RGS3: variants seen among roughly 807,000 people sequenced by gnomAD.
The protein encoded by RGS3 is regulator of G-protein signalling 3.
Under a neutral mutation model 132.6 loss-of-function variants are expected in RGS3, and 80 were observed. That is an observed-to-expected ratio of 0.60 (90% CI 0.50 to 0.73). The LOEUF (loss-of-function observed/expected upper bound fraction) is 0.73, where lower values mean the gene tolerates loss of function less well. Ranked by LOEUF, RGS3 falls within the 30% of genes least tolerant of loss-of-function variation. RGS3 has a pLI of 0.00. For synonymous variants in RGS3, 598 were observed against 620.6 expected (o/e 0.96, Z 0.54); for missense variants, 1,382 against 1,530.8 (o/e 0.90, Z 1.62).
intron 15 of RGS3, 128 bp downstream of exon 13, chr9:113,514,782 CT>C: frequency 3.7e-6 from 3 of 813,282 alleles, no homozygotes; most frequent in Non-Finnish European, 5.7e-6. Flanking sequence ...AGATAAGTAG[CT>C]TTAGATGCAT....
At chr9:113,584,155 C>T (rs371025710) in exon 20 of RGS3, 21 of 1,614,116 alleles carry the variant, frequency 1.3e-5, no homozygotes, top group Non-Finnish European at 1.6e-5. Flanking sequence ...TGAGGCCAAG[C>T]GCAGCAGCAT....
chr9:113,500,990 G>A (rs7020623), intron 10 of RGS3, among the ~76,000 whole-genome samples: 18,005 of 152,032 alleles, frequency 0.12, 1,270 homozygotes, highest in African/African-American at 0.19. Flanking sequence ...ACGCCTGGCC[G>A]AAACTGACTT....
intron 7 of RGS3, among the ~76,000 whole-genome samples, chr9:113,487,019 C>T (rs185774613): frequency 7.9e-5 from 12 of 151,290 alleles, no homozygotes; most frequent in Admixed American, 2.6e-4. Flanking sequence ...AGGAGGGGGA[C>T]GTCATGTTAA....
At position 113,465,439 on chromosome 9, in the gene RGS3, C is replaced by CTGTGTGTGTGTGTG. The variant is rs3221187; in HGVS notation, c.415+3267_415+3280dup. On this transcript the variant is annotated intron_variant, in intron 3 of 24. Transcript: ENST00000350696. ...CCCAGGCTTATTTCCACACCTATTT[C>CTGTGTGTGTGTGTG]TGTGTGTGTGTGTGTGTGTGTGTGT... 4.9e-4 allele frequency among the ~76,000 whole-genome samples: 66 copies of CTGTGTGTGTGTGTG among 135,410 alleles called. No homozygotes were observed. The East Asian group carries it at 7.2e-3, about 15-fold the overall frequency. The allele number at this position is 135,410 out of a possible 152,430, so 88.8% of individuals were successfully genotyped here.
chr9:113,503,899 T>TTTTC (rs994782902), intron 10 of RGS3, among the ~76,000 whole-genome samples: 4 of 152,124 alleles, frequency 2.6e-5, no homozygotes, highest in African/African-American at 4.8e-5. Flanking sequence ...CCGCGTTTGT[T>TTTTC]TTTCTTTCTT....
At chr9:113,552,686 T>G (rs1254939337) in intron 19 of RGS3, among the ~76,000 whole-genome samples, 1 of 152,236 alleles carries the variant, frequency 6.6e-6, no homozygotes, top group Non-Finnish European at 1.5e-5. Context: ...GAGACTTTTA[T>G]TGTAATTATA....
At chr9:113,583,888 G>C in exon 20 of RGS3, 1 of 1,614,050 alleles carries the variant, frequency 6.2e-7, no homozygotes, top group Non-Finnish European at 8.5e-7. Flanking sequence ...CTCCCTGCCA[G>C]CCAAGGCCCT....
rs1832886036 is a variant in RGS3 at position 113,541,175 on chromosome 9, G to A, written c.2037+4257G>A. 5.1e-6 allele frequency: 4 copies of A among 781,812 alleles called. No individual in the cohort carries two copies. The Admixed American group carries it at 7.6e-5, about 15-fold the overall frequency. The allele number at this position is 781,812 out of a possible 1,614,324, so 48.4% of individuals were successfully genotyped here. On this transcript the variant is annotated intron_variant, in intron 19 of 24. Transcript: ENST00000350696. ...GTGACGGTGAGGTGCGTGCCACCTTGTCATCTCCACTGGGGCCACTAGAGA... is the reference window on the plus strand; with the variant it reads ...GTGACGGTGAGGTGCGTGCCACCTTATCATCTCCACTGGGGCCACTAGAGA...
At chr9:113,534,189 T>C (rs558567486) in intron 18 of RGS3, among the ~76,000 whole-genome samples, 11 of 152,364 alleles carry the variant, frequency 7.2e-5, no homozygotes, top group African/African-American at 2.6e-4. Context: ...CAAGGCCTGC[T>C]TTCGCTGCTT....
At position 113,594,997 on chromosome 9, in the gene RGS3, T is replaced by C; in HGVS notation, c.3244+17T>C. 1 of 1,612,720 alleles carries C rather than the reference T, an allele frequency of 6.2e-7. No individual in the cohort carries two copies. Among genetic ancestry groups the C allele is most frequent in the Admixed American group, 1.7e-5 (1 of 60,010 alleles). ...TTCACAAATGTAAGTTGGGCCTGCC[T>C]GCCCACTCCCTGTGCCCTCTCTCCC... On this transcript the variant is annotated intron_variant, in intron 23 of 24. Transcript: ENST00000350696.
At chr9:113,494,483 G>A (rs757867357) in intron 7 of RGS3, among the ~76,000 whole-genome samples, 7 of 152,112 alleles carry the variant, frequency 4.6e-5, no homozygotes, top group Admixed American at 2.0e-4. Context: ...GTCTTGCTCT[G>A]TTGCTGCAAC....
At chr9:113,480,445 C>T (rs1199707472) in intron 4 of RGS3, among the ~76,000 whole-genome samples, 1 of 135,942 alleles carries the variant, frequency 7.4e-6, no homozygotes, top group Non-Finnish European at 1.5e-5. Context: ...GGCGACAGTA[C>T]GAGACTCCGT....
At chr9:113,530,505 G>A (rs1832418381) in intron 18 of RGS3, among the ~76,000 whole-genome samples, 2 of 152,222 alleles carry the variant, frequency 1.3e-5, no homozygotes, top group Admixed American at 1.3e-4. Context: ...ACAGAGCCAA[G>A]CAAGCAGAGA....
At chr9:113,531,838 T>C (rs1029072289) in intron 18 of RGS3, among the ~76,000 whole-genome samples, 2 of 152,174 alleles carry the variant, frequency 1.3e-5, no homozygotes, top group African/African-American at 4.8e-5. Flanking sequence ...ACCTATGTCA[T>C]AGGGTCATTA....
chr9:113,460,943 A>C (rs1451823532), intron 1 of RGS3, among the ~76,000 whole-genome samples: 1 of 152,172 alleles, frequency 6.6e-6, no homozygotes, highest in African/African-American at 2.4e-5. Context: ...AGTGCTTCAA[A>C]TCAATCTGTA....
intron 14 of RGS3, among the ~76,000 whole-genome samples, chr9:113,511,148 G>A (rs1158159203): frequency 6.6e-6 from 1 of 152,222 alleles, no homozygotes; most frequent in Non-Finnish European, 1.5e-5. Flanking sequence ...AGGGCTGCTG[G>A]TGCCCTTGGC....
intron 19 of RGS3, among the ~76,000 whole-genome samples, chr9:113,547,282 A>G (rs1360302274): frequency 1.3e-5 from 2 of 152,232 alleles, no homozygotes; most frequent in Non-Finnish European, 2.9e-5. Context: ...GTATGGCCCT[A>G]TGCAAATGTT....
chr9:113,450,821 A>C (rs111837447), intron 1 of RGS3, among the ~76,000 whole-genome samples: 1 of 152,166 alleles, frequency 6.6e-6, no homozygotes, highest in South Asian at 2.1e-4. Flanking sequence ...AGTGGTCTGC[A>C]TAATGAGGAA....
chr9:113,588,698 A>T (rs1031686767), intron 20 of RGS3, among the ~76,000 whole-genome samples: 2 of 152,226 alleles, frequency 1.3e-5, no homozygotes, highest in Admixed American at 1.3e-4. Context: ...TCAATAAATA[A>T]TGGCAAAACC....
Sources: allele counts gnomAD v4.1 joint callset (sites outside exome capture counted in the v4.1 genomes callset), GRCh38; gene constraint gnomAD v4.1.1; transcripts MANE v1.5; gene names NCBI Gene and HGNC (gene_info 2026-07-23, HGNC 2026-07-21).